Variants in LRP1B observed in about 807,000 individuals in gnomAD.
LRP1B encodes LDL receptor related protein 1B, also known as low-density lipoprotein receptor-related protein 1B.
LRP1B carries 217 observed loss-of-function variants against 556.6 expected under a neutral mutation model. The ratio of observed to expected loss-of-function variants is 0.39; its 90% CI spans 0.35 to 0.44. The LOEUF (loss-of-function observed/expected upper bound fraction) is 0.44. Ranked by LOEUF, LRP1B falls within the 20% of genes least tolerant of loss-of-function variation. LRP1B has a pLI of 1.00. For missense variants in LRP1B, 5,053 were observed against 5,620.8 expected, an observed-to-expected ratio of 0.90 and a Z score of 3.23; for synonymous variants, 2,047 against 1,865.8, an observed-to-expected ratio of 1.10 and a Z score of -2.50.
chr2:140,325,803 T>G lies in LRP1B; in HGVS notation c.12299A>C (p.Tyr4100Ser). Residue 4100 changes from tyrosine (Y) to serine (S), a missense_variant, in exon 80 of 91, where the codon TAT becomes TCT. This residue lies in a region of LRP1B where 551 missense variants were observed against 592.0 expected (regional missense o/e 0.93). Coordinates refer to ENST00000389484, the MANE Select transcript of LRP1B (RefSeq NM_018557.3). ...FELSIIGSVL[Y>S]DGSNSVVSVS... ...AGAGACTACTGAATTAGAGCCATCATACAGAACACTGCCAATGATGGAGAG... is the reference window on the plus strand; with the variant it reads ...AGAGACTACTGAATTAGAGCCATCAGACAGAACACTGCCAATGATGGAGAG... 1 of 1,613,104 alleles carries G rather than the reference T, an allele frequency of 6.2e-7. No homozygotes were observed. Among genetic ancestry groups the G allele is most frequent in the Non-Finnish European group, 8.5e-7 (1 of 1,179,506 alleles).
At chr2:140,792,338 G>A (rs1311184562) in intron 32 of LRP1B, among the ~76,000 whole-genome samples, 2 of 152,168 alleles carry the variant, frequency 1.3e-5, no homozygotes, top group East Asian at 1.9e-4. Flanking sequence ...TAGAGGAAAA[G>A]TTTTCCCTCC....
At chr2:141,181,775 A>G (rs1428504086) in intron 7 of LRP1B, among the ~76,000 whole-genome samples, 2 of 152,074 alleles carry the variant, frequency 1.3e-5, no homozygotes, top group Non-Finnish European at 2.9e-5. Context: ...ACTAAAAGAG[A>G]CACTAACCAA....
chr2:140,632,508 T>C (rs1036210730), intron 41 of LRP1B, among the ~76,000 whole-genome samples: 1 of 151,938 alleles, frequency 6.6e-6, no homozygotes, highest in Admixed American at 6.6e-5. Context: ...AAGCAAAATA[T>C]AATTGATATG....
chr2:140,667,743 G>A (rs1685329914), intron 41 of LRP1B, among the ~76,000 whole-genome samples: 1 of 152,158 alleles, frequency 6.6e-6, no homozygotes, highest in African/African-American at 2.4e-5. Flanking sequence ...GAGTTGAAAA[G>A]TGATTTCTCC....
intron 66 of LRP1B, among the ~76,000 whole-genome samples, chr2:140,398,258 T>C (rs939129273): frequency 3.3e-5 from 5 of 152,074 alleles, no homozygotes; most frequent in African/African-American, 9.7e-5. Context: ...TACATACATA[T>C]ATTAGATAAA....
intron 41 of LRP1B, among the ~76,000 whole-genome samples, chr2:140,662,482 A>G (rs1685131376): frequency 6.6e-6 from 1 of 152,150 alleles, no homozygotes; most frequent in Admixed American, 6.5e-5. Context: ...CACAAACACC[A>G]AACTGAATTA....
chr2:140,402,455 G>T (rs760485125), intron 66 of LRP1B, among the ~76,000 whole-genome samples: 4 of 152,194 alleles, frequency 2.6e-5, no homozygotes, highest in African/African-American at 4.8e-5. Flanking sequence ...TGCCTTCACA[G>T]TGACTGCATC....
chr2:141,263,308 A>T (rs1282673970), intron 3 of LRP1B, among the ~76,000 whole-genome samples: 1 of 152,076 alleles, frequency 6.6e-6, no homozygotes, highest in Non-Finnish European at 1.5e-5. Flanking sequence ...ATGAATTATA[A>T]ACATCAGCAA....
intron 1 of LRP1B, among the ~76,000 whole-genome samples, chr2:141,820,042 A>T (rs1344925469): frequency 6.6e-6 from 1 of 152,152 alleles, no homozygotes; most frequent in Non-Finnish European, 1.5e-5. Flanking sequence ...CAGTAAGATA[A>T]AATTAAGTTC....
intron 21 of LRP1B, among the ~76,000 whole-genome samples, chr2:140,916,015 G>A (rs112764791): frequency 0.042 from 6,318 of 151,974 alleles, 203 homozygotes; most frequent in South Asian, 0.098. Flanking sequence ...GTGACAGAGC[G>A]AGACTCTGTC....
At chr2:140,779,714 A>AAAT (rs1553531424) in intron 32 of LRP1B, among the ~76,000 whole-genome samples, 1 of 136,290 alleles carries the variant, frequency 7.3e-6, no homozygotes, top group Non-Finnish European at 1.6e-5. Context: ...AAAAAAAAAA[A>AAAT]GTGTGTGTGT....
intron 83 of LRP1B, among the ~76,000 whole-genome samples, chr2:140,303,156 T>C (rs1319022844): frequency 6.6e-6 from 1 of 151,092 alleles, no homozygotes; most frequent in African/African-American, 2.4e-5. Context: ...TTTTTCTTCA[T>C]AGATAGAAAT....
intron 2 of LRP1B, among the ~76,000 whole-genome samples, chr2:141,679,305 T>A (rs1272091863): frequency 3.3e-5 from 5 of 152,170 alleles, no homozygotes; most frequent in African/African-American, 9.6e-5. Flanking sequence ...AGGCCAAGCC[T>A]GGAATCGTAA....
At chr2:140,459,714 C>T (rs550859963) in intron 60 of LRP1B, among the ~76,000 whole-genome samples, 2 of 152,040 alleles carry the variant, frequency 1.3e-5, no homozygotes, top group African/African-American at 2.4e-5. Flanking sequence ...GGTTTGGCTC[C>T]GTGTCTCCAC....
intron 32 of LRP1B, among the ~76,000 whole-genome samples, chr2:140,810,220 T>G (rs1690871664): frequency 6.6e-6 from 1 of 152,150 alleles, no homozygotes; most frequent in Non-Finnish European, 1.5e-5. Context: ...TTAACATAGC[T>G]TTAGTATAAA....
chr2:140,574,948 T>C (rs1204245985), intron 43 of LRP1B, among the ~76,000 whole-genome samples: 2 of 152,220 alleles, frequency 1.3e-5, no homozygotes, highest in African/African-American at 4.8e-5. Context: ...AGCTTGCCCT[T>C]GCACATAAAT....
chr2:141,508,206 C>A (rs1169164770), intron 2 of LRP1B, among the ~76,000 whole-genome samples: 1 of 152,130 alleles, frequency 6.6e-6, no homozygotes. Context: ...TTTCTTTCCT[C>A]CTTTTGCAAG....
chr2:141,633,053 A>G (rs927444490), intron 2 of LRP1B, among the ~76,000 whole-genome samples: 1 of 152,120 alleles, frequency 6.6e-6, no homozygotes, highest in Non-Finnish European at 1.5e-5. Context: ...TCATTGTCAA[A>G]TTCGGAAATT....
chr2:140,241,953 G>A (rs1250699509), intron 87 of LRP1B, among the ~76,000 whole-genome samples: 1 of 150,622 alleles, frequency 6.6e-6, no homozygotes, highest in Non-Finnish European at 1.5e-5. Context: ...ATCTCAACAA[G>A]TTTCTCATAA....
Sources: gnomAD v4.1 joint callset for allele counts (sites outside exome capture counted in the v4.1 genomes callset) on GRCh38, gnomAD v4.1.1 for gene constraint, gnomAD v4.1.1 regional missense constraint, MANE v1.5 for transcripts, NCBI Gene and HGNC (gene_info 2026-07-23, HGNC 2026-07-21) for gene names.